The following PRKN variants were observed in gnomAD, a reference collection of about 807,000 sequenced individuals.
The protein encoded by PRKN is parkin RBR E3 ubiquitin protein ligase, also known as E3 ubiquitin-protein ligase parkin.
In PRKN, 56 loss-of-function variants were observed where a neutral mutation model predicts 59.5. The ratio of observed to expected loss-of-function variants is 0.94; its 90% CI spans 0.76 to 1.18. The LOEUF (loss-of-function observed/expected upper bound fraction) is 1.18, where lower values mean the gene tolerates loss of function less well. Among genes scored for constraint, PRKN ranks in the 50% most tolerant of loss-of-function variants. The pLI is 0.00. For synonymous variants in PRKN, 250 were observed against 222.1 expected (o/e 1.13, Z -1.12); for missense variants, 657 against 596.4 (o/e 1.10, Z -1.06).
chr6:161,982,260 C>T (rs1273802305), intron 5 of PRKN, among the ~76,000 whole-genome samples: 1 of 125,650 alleles, frequency 8.0e-6, no homozygotes, highest in Admixed American at 7.5e-5. Flanking sequence ...AAAGAGGAGA[C>T]AAACAAATGG....
intron 4 of PRKN, among the ~76,000 whole-genome samples, chr6:162,166,224 G>A (rs891366016): frequency 6.6e-6 from 1 of 152,066 alleles, no homozygotes; most frequent in African/African-American, 2.4e-5. Context: ...AGGCATGAAC[G>A]GTTGCTCCAC....
chr6:162,681,910 TCTTTC>T (rs746988579), intron 1 of PRKN, among the ~76,000 whole-genome samples: 21 of 152,134 alleles, frequency 1.4e-4, no homozygotes, highest in Non-Finnish European at 2.9e-4. Flanking sequence ...GTTGCTTCAT[TCTTTC>T]CTTTCTTTGT....
intron 7 of PRKN, among the ~76,000 whole-genome samples, chr6:161,782,346 G>A (rs1027715963): frequency 6.6e-6 from 1 of 152,054 alleles, no homozygotes; most frequent in Non-Finnish European, 1.5e-5. Context: ...ACTTAAGAAG[G>A]TGACACATCT....
chr6:162,062,684 G>T (rs911639006), intron 4 of PRKN, among the ~76,000 whole-genome samples: 1 of 152,092 alleles, frequency 6.6e-6, no homozygotes, highest in African/African-American at 2.4e-5. Flanking sequence ...CGTTGATCTC[G>T]ACTTCTAGCT....
At chr6:162,206,344 G>T (rs1378483549) in intron 3 of PRKN, among the ~76,000 whole-genome samples, 2 of 152,136 alleles carry the variant, frequency 1.3e-5, no homozygotes, top group Non-Finnish European at 2.9e-5. Context: ...AGTAGCCAGT[G>T]CAGTCTCATC....
chr6:162,075,811 C>T (rs1778799171), intron 4 of PRKN, among the ~76,000 whole-genome samples: 1 of 152,018 alleles, frequency 6.6e-6, no homozygotes, highest in Admixed American at 6.5e-5. Flanking sequence ...AACGAGCAGG[C>T]TTCCAATCAT....
intron 6 of PRKN, among the ~76,000 whole-genome samples, chr6:161,806,194 C>T (rs1791312304): frequency 6.6e-6 from 1 of 152,190 alleles, no homozygotes; most frequent in Non-Finnish European, 1.5e-5. Flanking sequence ...AACACAGTTG[C>T]TCACACATGA....
intron 1 of PRKN, among the ~76,000 whole-genome samples, chr6:162,605,517 C>T (rs1033433401): frequency 6.6e-6 from 1 of 151,948 alleles, no homozygotes; most frequent in African/African-American, 2.4e-5. Context: ...TTCAGTAATT[C>T]AAAACACCCT....
At chr6:162,308,103 C>T (rs1204173354) in intron 2 of PRKN, among the ~76,000 whole-genome samples, 4 of 152,098 alleles carry the variant, frequency 2.6e-5, no homozygotes, top group East Asian at 3.9e-4. Context: ...CCTTCTTCAC[C>T]GTCACTGCTA....
chr6:162,196,917 A>G (rs548121880), intron 4 of PRKN, among the ~76,000 whole-genome samples: 15 of 152,326 alleles, frequency 9.8e-5, no homozygotes, highest in Admixed American at 4.6e-4. Context: ...ATTTAGACTC[A>G]TGATATGAGT....
At chr6:162,717,478 G>C (rs1268527301) in intron 1 of PRKN, among the ~76,000 whole-genome samples, 2 of 151,750 alleles carry the variant, frequency 1.3e-5, no homozygotes, top group Non-Finnish European at 2.9e-5. Flanking sequence ...CAGCTATTCG[G>C]GAAGTTGAGC....
chr6:161,746,551 AT>A (rs994612379), intron 7 of PRKN, among the ~76,000 whole-genome samples: 1 of 145,840 alleles, frequency 6.9e-6, no homozygotes, highest in African/African-American at 2.5e-5. Flanking sequence ...ACATTTATCT[AT>A]TTTTTTATAT....
At chr6:162,168,513 T>C (rs1013925936) in intron 4 of PRKN, among the ~76,000 whole-genome samples, 1 of 117,786 alleles carries the variant, frequency 8.5e-6, no homozygotes. Context: ...ATGACATTTG[T>C]AAGGCAAACC....
At chr6:162,234,980 C>T (rs1346951302) in intron 3 of PRKN, among the ~76,000 whole-genome samples, 1 of 152,130 alleles carries the variant, frequency 6.6e-6, no homozygotes, top group East Asian at 1.9e-4. Context: ...GAATAGTATT[C>T]AGAGATTCTC....
intron 4 of PRKN, among the ~76,000 whole-genome samples, chr6:162,149,973 C>T (rs537085506): frequency 7.9e-5 from 12 of 152,184 alleles, no homozygotes; most frequent in Non-Finnish European, 1.6e-4. Context: ...AAAGACTCTA[C>T]ATTCCTGCAT....
intron 7 of PRKN, among the ~76,000 whole-genome samples, chr6:161,583,863 G>T (rs1781433083): frequency 6.6e-6 from 1 of 152,154 alleles, no homozygotes; most frequent in South Asian, 2.1e-4. Flanking sequence ...TCATATTGGT[G>T]TCAGTGAGTC....
chr6:161,723,522 T>G (rs998411756), intron 7 of PRKN, among the ~76,000 whole-genome samples: 2 of 152,116 alleles, frequency 1.3e-5, no homozygotes, highest in Non-Finnish European at 2.9e-5. Context: ...GCTCCTGTTG[T>G]TGGCGGCTGG....
intron 2 of PRKN, among the ~76,000 whole-genome samples, chr6:162,360,027 C>A (rs1302602505): frequency 6.6e-6 from 1 of 152,000 alleles, no homozygotes; most frequent in African/African-American, 2.4e-5. Context: ...CAAATTCTCA[C>A]TTTTATGTTC....
intron 1 of PRKN, among the ~76,000 whole-genome samples, chr6:162,658,658 C>CAAAAAAAAAAAAAAAAAAAA (rs57853171): frequency 9.2e-6 from 1 of 109,112 alleles, no homozygotes; most frequent in Non-Finnish European, 1.9e-5. Flanking sequence ...GAGACTCTGT[C>CAAAAAAAAAAAAAAAAAAAA]AAAAAAAAAA....
Sources: gnomAD v4.1 joint callset for allele counts (sites outside exome capture counted in the v4.1 genomes callset) on GRCh38, gnomAD v4.1.1 for gene constraint, MANE v1.5 for transcripts, NCBI Gene and HGNC (gene_info 2026-07-23, HGNC 2026-07-21) for gene names.